BABAM2: variants seen among roughly 807,000 people sequenced by gnomAD.
BABAM2 encodes BRISC and BRCA1 A complex member 2, also known as BRISC and BRCA1-A complex member 2.
BABAM2 carries 31 observed loss-of-function variants against 54.7 expected under a neutral mutation model. The ratio of observed to expected loss-of-function variants is 0.57; its 90% CI spans 0.43 to 0.77. BABAM2 has a LOEUF of 0.77. Among genes scored for constraint, BABAM2 ranks in the 30% least tolerant of loss-of-function variants. The pLI, the probability that BABAM2 is intolerant of heterozygous loss-of-function variation, is 0.00. For missense variants in BABAM2, 364 were observed against 455.8 expected (o/e 0.80, Z 1.83); for synonymous variants, 167 against 162.9 (o/e 1.03, Z -0.19).
chr2:28,302,176 G>C (rs1018202319), intron 11 of BABAM2, among the ~76,000 whole-genome samples: 3 of 152,148 alleles, frequency 2.0e-5, no homozygotes, highest in African/African-American at 7.2e-5. Flanking sequence ...CAGCATTTTG[G>C]GGGACTGAAG....
chr2:28,214,123 A>C (rs186361305), intron 7 of BABAM2, among the ~76,000 whole-genome samples: 3 of 152,172 alleles, frequency 2.0e-5, no homozygotes, highest in Non-Finnish European at 4.4e-5. Flanking sequence ...ACTAGACTAG[A>C]CCTTAGTCAG....
rs567690923 is a variant in BABAM2, at chr2:27,934,213, A to T, written c.205+4305A>T. ...TACCATTTCAAACTTTTTAATTATT[A>T]TTTTTTTAAACTTAAAAATTTTTGC... is the stretch of plus-strand genomic sequence containing the variant. On this transcript the variant is annotated intron_variant, in intron 3 of 11. Transcript: ENST00000379624. Among the ~76,000 whole-genome samples, 10 of 152,110 alleles carry T rather than the reference A, an allele frequency of 6.6e-5. No homozygotes were observed. In the South Asian group the frequency reaches 2.1e-3, roughly 32 times the overall value.
intron 6 of BABAM2, among the ~76,000 whole-genome samples, chr2:28,088,337 T>G (rs1019825746): frequency 2.5e-4 from 38 of 152,360 alleles, no homozygotes; most frequent in Admixed American, 1.8e-3. Context: ...CCTAAATGAC[T>G]GTTTTCTCCT....
intron 3 of BABAM2, among the ~76,000 whole-genome samples, chr2:27,962,941 G>A (rs1350481): frequency 2.6e-5 from 4 of 152,152 alleles, no homozygotes; most frequent in African/African-American, 9.6e-5. Context: ...TATTTTTGTC[G>A]TAGGAACAAA....
At chr2:28,061,770 A>G (rs1678897605) in intron 6 of BABAM2, among the ~76,000 whole-genome samples, 1 of 151,966 alleles carries the variant, frequency 6.6e-6, no homozygotes. Flanking sequence ...TAAAATTTCA[A>G]TAACTTTTTT....
At chr2:28,294,400 G>T (rs909640686) in intron 10 of BABAM2, among the ~76,000 whole-genome samples, 4 of 150,230 alleles carry the variant, frequency 2.7e-5, no homozygotes, top group African/African-American at 9.8e-5. Context: ...AAAAAGGAAA[G>T]AAAGCAAATG....
chr2:28,247,203 T>C lies in BABAM2; in HGVS notation c.934+2341T>C, dbSNP rs1682990489. Among the ~76,000 whole-genome samples, 4 of 152,280 alleles carry C rather than the reference T, an allele frequency of 2.6e-5. No individual in the cohort carries two copies. In the South Asian group the frequency reaches 8.3e-4, roughly 32 times the overall value. On this transcript the variant is annotated intron_variant, in intron 10 of 11. Transcript: ENST00000379624. ...CTCCCCCGGCTGTTTGGTCCCTGTC[T>C]CTTAGCATCACTGCCACACTCTTGG...
intron 2 of BABAM2, among the ~76,000 whole-genome samples, chr2:27,915,400 A>G (rs1666890406): frequency 6.6e-6 from 1 of 152,170 alleles, no homozygotes; most frequent in African/African-American, 2.4e-5. Context: ...GATCCTCATA[A>G]CAGCTCTCTG....
chr2:28,174,541 C>T (rs926395837), intron 7 of BABAM2, among the ~76,000 whole-genome samples: 3 of 152,232 alleles, frequency 2.0e-5, no homozygotes, highest in East Asian at 1.9e-4. Context: ...GAAGCACAGC[C>T]GGGATCAGCT....
At chr2:28,032,316 C>G (rs1461119081) in intron 5 of BABAM2, among the ~76,000 whole-genome samples, 4 of 152,152 alleles carry the variant, frequency 2.6e-5, no homozygotes, top group Non-Finnish European at 5.9e-5. Context: ...CTTTTACTAT[C>G]AGCTGGCATG....
At chr2:28,075,858 ATT>A (rs1247472810) in intron 6 of BABAM2, among the ~76,000 whole-genome samples, 1 of 151,950 alleles carries the variant, frequency 6.6e-6, no homozygotes, top group African/African-American at 2.4e-5. Flanking sequence ...TGTCTCATGT[ATT>A]TTTTCTTTCC....
chr2:28,074,754 C>T lies in BABAM2; in HGVS notation c.570+28955C>T, dbSNP rs577669761. 2.6e-5 allele frequency among the ~76,000 whole-genome samples: 4 copies of T among 152,200 alleles called. No individual in the cohort carries two copies. In the South Asian group the frequency reaches 8.3e-4, roughly 32 times the overall value. On this transcript the variant is annotated intron_variant, in intron 6 of 11. Coordinates refer to ENST00000379624, the MANE Select transcript of BABAM2 (RefSeq NM_199191.3). ...TGAAGTACGTATGGGACAGAATGGT[C>T]AGCCAAGCTGACCAGGACCAGTGGA...
intron 10 of BABAM2, among the ~76,000 whole-genome samples, chr2:28,285,867 T>C (rs1489530387): frequency 6.6e-6 from 1 of 151,938 alleles, no homozygotes; most frequent in Non-Finnish European, 1.5e-5. Context: ...CCACACCGGC[T>C]GATAAGTCTT....
intron 11 of BABAM2, among the ~76,000 whole-genome samples, chr2:28,323,790 T>G (rs2148315697): frequency 6.6e-6 from 1 of 152,304 alleles, no homozygotes; most frequent in South Asian, 2.1e-4. Flanking sequence ...CTTCTGGGGC[T>G]CGTTATTTAG....
chr2:28,127,679 G>A (rs1484935433), intron 6 of BABAM2, among the ~76,000 whole-genome samples: 2 of 152,144 alleles, frequency 1.3e-5, no homozygotes, highest in African/African-American at 2.4e-5. Context: ...GGAGACCGAA[G>A]GTTCCGGAGT....
chr2:28,318,398 TTATAA>T (rs753885381), intron 11 of BABAM2, among the ~76,000 whole-genome samples: 29 of 152,242 alleles, frequency 1.9e-4, no homozygotes, highest in Non-Finnish European at 2.9e-5. Flanking sequence ...AGTTGAATTG[TTATAA>T]TAGAATACAG....
chr2:28,127,620 A>G (rs1339259246), intron 6 of BABAM2, among the ~76,000 whole-genome samples: 1 of 152,058 alleles, frequency 6.6e-6, no homozygotes, highest in African/African-American at 2.4e-5. Flanking sequence ...GTCCCTGTGT[A>G]TACATGTCAC....
intron 3 of BABAM2, among the ~76,000 whole-genome samples, chr2:27,978,469 AACTT>A: frequency 6.6e-6 from 1 of 152,258 alleles, no homozygotes; most frequent in East Asian, 1.9e-4. Context: ...CTATTGCTTG[AACTT>A]ACTTTTTGTT....
chr2:28,181,351 T>C (rs1447399100), intron 7 of BABAM2, among the ~76,000 whole-genome samples: 1 of 152,184 alleles, frequency 6.6e-6, no homozygotes, highest in Non-Finnish European at 1.5e-5. Context: ...GGTTAAGTGT[T>C]AAGTGAAACA....
Sources: allele counts gnomAD v4.1 joint callset (sites outside exome capture counted in the v4.1 genomes callset), GRCh38; gene constraint gnomAD v4.1.1; transcripts MANE v1.5; gene names NCBI Gene and HGNC (gene_info 2026-07-23, HGNC 2026-07-21).